The following CCDC171 variants were observed in gnomAD, a reference collection of about 807,000 sequenced individuals.
CCDC171 encodes the protein coiled-coil domain-containing protein 171.
CCDC171 carries 177 observed loss-of-function variants against 168.2 expected under a neutral mutation model. The ratio of observed to expected loss-of-function variants is 1.05; its 90% confidence interval spans 0.93 to 1.19. The LOEUF (loss-of-function observed/expected upper bound fraction) is 1.19, where lower values mean the gene tolerates loss of function less well. Among genes scored for constraint, CCDC171 ranks in the 50% most tolerant of loss-of-function variants. The pLI, the probability that CCDC171 is intolerant of heterozygous loss-of-function variation, is 0.00. For missense variants in CCDC171, 1,991 were observed against 1,539.0 expected, an observed-to-expected ratio of 1.29 and a Z score of -4.91; for synonymous variants, 687 against 540.8, an observed-to-expected ratio of 1.27 and a Z score of -3.75.
intron 6 of CCDC171, among the ~76,000 whole-genome samples, chr9:15,600,848 C>T (rs1194355389): frequency 6.6e-6 from 1 of 152,212 alleles, no homozygotes; most frequent in African/African-American, 2.4e-5. Context: ...GGCGTCCCTC[C>T]CCCAGCCTCG....
intron 6 of CCDC171, among the ~76,000 whole-genome samples, chr9:15,616,723 A>G (rs2044110591): frequency 6.6e-6 from 1 of 152,246 alleles, no homozygotes; most frequent in African/African-American, 2.4e-5. Flanking sequence ...CCTATCATAT[A>G]GAATAATAGT....
intron 10 of CCDC171, 150 bp from the exon 11 acceptor site, chr9:15,695,085 A>C (rs2051113919): frequency 1.7e-6 from 1 of 601,046 alleles, no homozygotes; most frequent in South Asian, 2.2e-5. Context: ...GCCAAGTAAA[A>C]GGTATGATTA....
intron 6 of CCDC171, among the ~76,000 whole-genome samples, chr9:15,616,455 C>G (rs973091572): frequency 6.6e-6 from 1 of 151,642 alleles, no homozygotes; most frequent in Admixed American, 6.6e-5. Context: ...ATTTATTTTA[C>G]TATATAAAAT....
At position 15,596,735 on chromosome 9, in the gene CCDC171, C is replaced by G. The variant is rs1369576980; in HGVS notation, c.675+2563C>G. On this transcript the variant is annotated intron_variant, in intron 6 of 25. Coordinates refer to ENST00000380701, the MANE Select transcript of CCDC171 (RefSeq NM_173550.4). ...CATTGAATCTATAAATTACCTTGGG[C>G]AGTATGGCCATTTTCACGATATTGA... Among the ~76,000 whole-genome samples, 359 of 151,932 alleles carry G rather than the reference C, an allele frequency of 2.4e-3. 2 individuals carry two copies. Among genetic ancestry groups the G allele is most frequent in the African/African-American group, 8.3e-3 (342 of 41,430 alleles).
At chr9:16,030,813 TCGCTTCCCAA>T (rs1833354144) in intron 6 of CCDC171, among the ~76,000 whole-genome samples, 1 of 152,198 alleles carries the variant, frequency 6.6e-6, no homozygotes, top group African/African-American at 2.4e-5. Context: ...CTCCATGTGA[TCGCTTCCCAA>T]GGTGCCAACT....
At chr9:15,776,963 T>G (rs2057359843) in intron 18 of CCDC171, among the ~76,000 whole-genome samples, 1 of 152,186 alleles carries the variant, frequency 6.6e-6, no homozygotes, top group Admixed American at 6.5e-5. Flanking sequence ...AAAACTAAAT[T>G]ACATGGCTTT....
chr9:16,088,408 T>C, the CCDC171 span, among the ~76,000 whole-genome samples: 9 of 152,188 alleles, frequency 5.9e-5, no homozygotes, highest in Non-Finnish European at 7.4e-5. Context: ...TGTATTCAGA[T>C]AGGAAGAGAG....
chr9:15,560,545 A>G (rs902578075), intron 1 of CCDC171, among the ~76,000 whole-genome samples: 1 of 152,066 alleles, frequency 6.6e-6, no homozygotes, highest in Non-Finnish European at 1.5e-5. Flanking sequence ...TGCATTCGTC[A>G]CATAGTTCTC....
intron 7 of CCDC171, among the ~76,000 whole-genome samples, chr9:15,639,895 A>T (rs1189166806): frequency 6.6e-6 from 1 of 152,186 alleles, no homozygotes; most frequent in Non-Finnish European, 1.5e-5. Flanking sequence ...AGTAGAAGGA[A>T]TATCCTTTAG....
In CCDC171 at chr9:15,973,481, G is replaced by A. The variant is rs1312852256; in HGVS notation, c.*1645G>A. 1.3e-5 allele frequency: 2 copies of A among 152,060 alleles called. No homozygotes were observed. The allele number at this position is 152,060 out of a possible 1,614,324, so 9.4% of individuals were successfully genotyped here. On this transcript the variant is annotated 3_prime_UTR_variant, in exon 26 of 26. Transcript: ENST00000380701. ...AACACAGCAGTATTACTGTCGTACT[G>A]TGTAACACATCCTATTCTTGTAATA...
At chr9:16,069,159 A>C in the CCDC171 span, among the ~76,000 whole-genome samples, 1 of 152,192 alleles carries the variant, frequency 6.6e-6, no homozygotes, top group Non-Finnish European at 1.5e-5. Context: ...GGCCTACATG[A>C]CGTAAGGAGT....
intron 25 of CCDC171, among the ~76,000 whole-genome samples, chr9:15,963,508 C>G (rs941344102): frequency 3.3e-5 from 5 of 152,120 alleles, no homozygotes; most frequent in Admixed American, 3.3e-4. Context: ...TTTTGTCTTC[C>G]AGAAAGGTTG....
chr9:16,004,145 A>C lies in CCDC171; in HGVS notation n.369-16444A>C, dbSNP rs190705937. On this transcript the variant is annotated intron_variant and non_coding_transcript_variant, in intron 3 of 9. Coordinates refer to the CCDC171 transcript ENST00000486641. ...CTATCTGAGATATGATGGGAGCACC[A>C]GAAACGGCTAGCCACCATATCTGTC... is the stretch of plus-strand genomic sequence containing the variant. 2.0e-5 allele frequency among the ~76,000 whole-genome samples: 3 copies of C among 152,342 alleles called. No individual in the cohort carries two copies. The East Asian group carries it at 5.8e-4, about 29-fold the overall frequency.
chr9:15,791,177 T>A (rs1394049472), intron 21 of CCDC171, among the ~76,000 whole-genome samples: 1 of 152,184 alleles, frequency 6.6e-6, no homozygotes, highest in Non-Finnish European at 1.5e-5. Context: ...AATGTATAAA[T>A]TACCTTGGGC....
chr9:15,568,363 C>T (rs981658330), intron 2 of CCDC171, among the ~76,000 whole-genome samples: 10 of 151,832 alleles, frequency 6.6e-5, no homozygotes, highest in East Asian at 1.9e-4. Flanking sequence ...CTCCGCCTCC[C>T]GGGCTTAGGC....
intron 24 of CCDC171, among the ~76,000 whole-genome samples, chr9:15,913,056 A>G (rs1453327262): frequency 2.0e-5 from 3 of 152,226 alleles, no homozygotes; most frequent in African/African-American, 4.8e-5. Context: ...GCCTCATAAA[A>G]TGAGTTAGGG....
At chr9:15,745,653 C>A in intron 18 of CCDC171, 22 bp downstream of exon 18, 3 of 1,387,902 alleles carry the variant, frequency 2.2e-6, no homozygotes, top group East Asian at 2.4e-5. Context: ...TCTTTTATGT[C>A]CTTGCAAAAT....
In CCDC171 at chr9:15,725,047, A is replaced by G. The variant is rs2053710154; in HGVS notation, c.1692+71A>G. On this transcript the variant is annotated intron_variant, in intron 14 of 25. Transcript: ENST00000380701. ...TCTCAGTGTTATACATCAAGTGACT[A>G]TTTTTACTTGTATTTAATTAAGAAA... 3 of 1,114,096 alleles carry G rather than the reference A, an allele frequency of 2.7e-6. No individual in the cohort carries two copies. In the South Asian group the frequency reaches 4.0e-5, roughly 15 times the overall value. The allele number at this position is 1,114,096 out of a possible 1,614,324, so 69.0% of individuals were successfully genotyped here. A position where few individuals can be genotyped will look rare whatever the true frequency, so the allele number is the denominator to read the frequency against.
intron 16 of CCDC171, among the ~76,000 whole-genome samples, chr9:15,730,726 C>G (rs2054099153): frequency 6.6e-6 from 1 of 151,780 alleles, no homozygotes; most frequent in Non-Finnish European, 1.5e-5. Context: ...CCTATATGAA[C>G]TTATGCCTTT....
Sources: gnomAD v4.1 joint callset for allele counts (sites outside exome capture counted in the v4.1 genomes callset) on GRCh38, gnomAD v4.1.1 for gene constraint, MANE v1.5 for transcripts, NCBI Gene and HGNC (gene_info 2026-07-23, HGNC 2026-07-21) for gene names.